Variants in STAMBP observed in about 807,000 individuals in gnomAD.
STAMBP encodes STAM-binding protein.
A neutral mutation model predicts 50.7 loss-of-function variants in STAMBP; 31 were observed. The ratio of observed to expected loss-of-function variants is 0.61; its 90% confidence interval spans 0.46 to 0.83. STAMBP has a LOEUF of 0.83. STAMBP is among the 40% of genes least tolerant of loss of function. The probability of loss-of-function intolerance (pLI) is 0.00; values close to 1 mark genes in which losing one functional copy is unlikely to be tolerated. For synonymous variants in STAMBP, 211 were observed against 192.4 expected (o/e 1.10, Z -0.80); for missense variants, 472 against 518.9 (o/e 0.91, Z 0.88).
At chr2:73,852,788 C>G (rs1677001343) in intron 7 of STAMBP, among the ~76,000 whole-genome samples, 1 of 151,550 alleles carries the variant, frequency 6.6e-6, no homozygotes, top group Non-Finnish European at 1.5e-5. Flanking sequence ...AGTGATTCTC[C>G]TGCCTCAGTG....
intron 7 of STAMBP, among the ~76,000 whole-genome samples, chr2:73,853,860 C>T (rs905613166): frequency 6.6e-6 from 1 of 152,208 alleles, no homozygotes; most frequent in East Asian, 1.9e-4. Context: ...TTCCTTGCTT[C>T]GTTTATAATT....
chr2:73,849,678 T>G (rs1317377533), intron 6 of STAMBP, among the ~76,000 whole-genome samples, 191 bp downstream of exon 6: 1 of 152,172 alleles, frequency 6.6e-6, no homozygotes, highest in Non-Finnish European at 1.5e-5. Flanking sequence ...AGTGGTTATT[T>G]TAATGCTAGT....
chr2:73,845,757 G>A (rs535070312), intron 4 of STAMBP, among the ~76,000 whole-genome samples: 1 of 150,782 alleles, frequency 6.6e-6, no homozygotes, highest in African/African-American at 2.4e-5. Context: ...TCAGCCTCCC[G>A]AGTGACTGGG....
chr2:73,850,630 CTT>C lies in STAMBP; in HGVS notation c.1005+120_1005+121del. The stretch of plus-strand genomic sequence containing the variant: ...TCCAGATTATTTATTGTTTTTCTCT[CTT>C]TTGGATGCAGTCCTTAGCATACTTG... On this transcript the variant is annotated intron_variant, in intron 7 of 9. Coordinates refer to ENST00000394070, the MANE Select transcript of STAMBP (RefSeq NM_213622.4). This position sits in a 1 kb window ranked among gnomAD's most constrained non-coding sequence, Gnocchi z 4.3. The C allele has an allele frequency of 1.7e-6, 2 of 1,176,922 alleles. No individual in the cohort carries two copies. The highest frequency in any genetic ancestry group is 1.6e-5 in the African/African-American group (1 of 63,974). 72.9% of individuals were successfully genotyped at this position (1,176,922 alleles called of 1,614,324 possible).
intron 1 of STAMBP, 102 bp from the exon 2 acceptor site, chr2:73,830,743 T>C: frequency 2.3e-6 from 2 of 864,776 alleles, no homozygotes. Context: ...GGTATGTTTC[T>C]CTTATATTTT....
downstream of STAMBP, among the ~76,000 whole-genome samples, chr2:73,868,199 TAC>T (rs888410751): frequency 1.1e-4 from 16 of 150,818 alleles, no homozygotes; most frequent in Admixed American, 7.9e-4. Context: ...ATAAATTGTG[TAC>T]ACACACACAC....
chr2:73,869,611 T>A (rs1475848356), downstream of STAMBP, among the ~76,000 whole-genome samples: 1 of 152,172 alleles, frequency 6.6e-6, no homozygotes, highest in Non-Finnish European at 1.5e-5. Flanking sequence ...TAATGCTTAT[T>A]ATAAACCTAT....
At chr2:73,859,990 CAT>C (rs1172829462) in intron 8 of STAMBP, 60 bp from the exon 9 acceptor site, 9 of 1,168,020 alleles carry the variant, frequency 7.7e-6, no homozygotes, top group Non-Finnish European at 1.0e-5. Flanking sequence ...TGTGTGCGTG[CAT>C]ATGTTTGGGA....
At chr2:73,861,100 GA>G (rs1389571820) in intron 9 of STAMBP, among the ~76,000 whole-genome samples, 2 of 152,074 alleles carry the variant, frequency 1.3e-5, no homozygotes, top group Non-Finnish European at 2.9e-5. Context: ...TACACAATCA[GA>G]AAAAAAGGTC....
intron 2 of STAMBP, among the ~76,000 whole-genome samples, chr2:73,843,627 T>TA (rs2104441283): frequency 6.6e-6 from 1 of 152,102 alleles, no homozygotes; most frequent in South Asian, 2.1e-4. Context: ...ATTTTTATTT[T>TA]AGAGTCCATC....
downstream of STAMBP, among the ~76,000 whole-genome samples, chr2:73,868,229 A>G (rs1679044103): frequency 6.6e-6 from 1 of 152,270 alleles, no homozygotes; most frequent in Admixed American, 6.5e-5. Context: ...ATCAAAATCA[A>G]TAATATAGAT....
Position 73,845,242 on chromosome 2 carries a change from A to C in STAMBP, c.355A>C (p.Thr119Pro), listed in dbSNP as rs774270838. ...ELLKRYTKEYTEYNEEKKKEA... is the reference protein window; with the variant it reads ...ELLKRYTKEYPEYNEEKKKEA... ...GTTAAAACGATATACCAAAGAATAT[A>C]CAGAATATAATGAAGAAAAGGTCAG... is the stretch of plus-strand genomic sequence containing the variant. The change falls in exon 4 of 10, where the codon ACA becomes CCA. Residue 119 changes from threonine (T) to proline (P), a missense_variant. Thr to Pro is a conservative substitution (Grantham distance 38). Transcript: ENST00000394070. The C allele has an allele frequency of 5.6e-6, 9 of 1,613,424 alleles. No individual in the cohort carries two copies. The South Asian group carries it at 9.9e-5, about 18-fold the overall frequency.
chr2:73,852,660 A>G (rs1329882979), intron 7 of STAMBP, among the ~76,000 whole-genome samples: 1 of 152,130 alleles, frequency 6.6e-6, no homozygotes, highest in Non-Finnish European at 1.5e-5. Context: ...CACAGAAGCC[A>G]TAGGAGGAGG....
intron 2 of STAMBP, among the ~76,000 whole-genome samples, chr2:73,840,313 GTT>G (rs57827239): frequency 1.6e-4 from 18 of 115,648 alleles, no homozygotes; most frequent in East Asian, 2.5e-4. Flanking sequence ...TTAGGGGTTT[GTT>G]TTTTTTTTTT....
At chr2:73,847,809 TCTG>T in intron 5 of STAMBP, 56 bp downstream of exon 5, 1 of 1,554,674 alleles carries the variant, frequency 6.4e-7, no homozygotes, top group Non-Finnish European at 8.6e-7. Context: ...ACAGTATCAT[TCTG>T]ACGGGGTCAA....
chr2:73,850,354 C>T lies in STAMBP; in HGVS notation c.868-22C>T, dbSNP rs1676655868. 6.3e-7 allele frequency: 1 copy of T among 1,593,370 alleles called. No homozygotes were observed. The highest frequency in any genetic ancestry group is 8.6e-7 in the Non-Finnish European group (1 of 1,169,512). On this transcript the variant is annotated intron_variant, in intron 6 of 9. Transcript: ENST00000394070. This position sits in a 1 kb window ranked among gnomAD's most constrained non-coding sequence, Gnocchi z 4.3. The stretch of plus-strand genomic sequence containing the variant: ...TGCATGAGCACCAGGGAATTGTGAC[C>T]AGCTGTTTTCTCCTTTGGCAGATGA...
At chr2:73,868,689 G>C (rs896194598), downstream of STAMBP, among the ~76,000 whole-genome samples, 1 of 152,012 alleles carries the variant, frequency 6.6e-6, no homozygotes, top group African/African-American at 2.4e-5. Context: ...TTCGAGACCA[G>C]CCTGGGCAAC....
intron 9 of STAMBP, among the ~76,000 whole-genome samples, chr2:73,861,431 A>G (rs528994451): frequency 4.1e-4 from 62 of 152,290 alleles, no homozygotes; most frequent in African/African-American, 1.5e-3. Flanking sequence ...TCTTACCACA[A>G]CTACCACTTA....
intron 7 of STAMBP, among the ~76,000 whole-genome samples, chr2:73,857,378 C>T (rs993781828): frequency 6.6e-6 from 1 of 152,096 alleles, no homozygotes; most frequent in African/African-American, 2.4e-5. Flanking sequence ...AGAAAGTTCC[C>T]CCTTTGTGTT....
Sources: allele counts gnomAD v4.1 joint callset (sites outside exome capture counted in the v4.1 genomes callset), GRCh38; gene constraint gnomAD v4.1.1; non-coding constraint Gnocchi (gnomAD v3.1); transcripts MANE v1.5; gene names NCBI Gene and HGNC (gene_info 2026-07-23, HGNC 2026-07-21).